The following GGCX variants were observed in gnomAD, a reference collection of about 807,000 sequenced individuals.
GGCX encodes vitamin K-dependent gamma-carboxylase.
A neutral mutation model predicts 88.5 loss-of-function variants in GGCX; 63 were observed. The observed-to-expected ratio is 0.71, with a 90% CI of 0.58 to 0.88. GGCX has a LOEUF of 0.88. Among genes scored for constraint, GGCX ranks in the 40% least tolerant of loss-of-function variants. The pLI, the probability that GGCX is intolerant of heterozygous loss-of-function variation, is 0.00. For missense variants in GGCX, 805 were observed against 932.9 expected, an observed-to-expected ratio of 0.86 and a Z score of 1.79; for synonymous variants, 368 against 365.8, an observed-to-expected ratio of 1.01 and a Z score of -0.07.
At chr2:85,552,800 G>T in intron 9 of GGCX, 139 bp downstream of exon 9, 1 of 994,918 alleles carries the variant, frequency 1.0e-6, no homozygotes, top group Non-Finnish European at 1.6e-6. Context: ...CCACATAAAA[G>T]ATAGTTCAAT....
Position 85,553,422 on chromosome 2 carries a change from T to C in GGCX, c.965A>G (p.Tyr322Cys). 1 of 1,613,892 alleles carries C rather than the reference T, an allele frequency of 6.2e-7. No individual in the cohort carries two copies. Among genetic ancestry groups the C allele is most frequent in the South Asian group, 1.1e-5 (1 of 91,078 alleles). The change falls in exon 8 of 15, where the codon TAC becomes TGC. Residue 322 changes from tyrosine (Y) to cysteine (C), a missense_variant. Physicochemically the swap from Tyr to Cys is radical, Grantham distance 194. Transcript: ENST00000233838. ...CAGTTGTTGCAACCTTCGGGGGCAG[T>C]AGGACACCAGCTTCCGAGGCCACTC... ...SPEWPRKLVS[Y>C]CPRRLQQLLP...
intron 4 of GGCX, among the ~76,000 whole-genome samples, chr2:85,556,943 C>T (rs1359783518): frequency 2.6e-5 from 4 of 152,206 alleles, no homozygotes; most frequent in African/African-American, 4.8e-5. Flanking sequence ...ATTCTTCACT[C>T]GTCAATAATA....
chr2:85,559,702 C>A (rs563175443), intron 2 of GGCX, among the ~76,000 whole-genome samples: 41 of 149,134 alleles, frequency 2.7e-4, no homozygotes, highest in African/African-American at 9.2e-4. Flanking sequence ...GCAACAAGAT[C>A]GAAACTCCGT....
intron 4 of GGCX, among the ~76,000 whole-genome samples, chr2:85,557,865 C>A (rs1692270174): frequency 6.6e-6 from 1 of 152,184 alleles, no homozygotes. Flanking sequence ...TTTCACTCAA[C>A]ATATAAAGAA....
Position 85,545,380 on chromosome 2 carries a change from T to A in GGCX, c.*4554A>T, listed in dbSNP as rs1691606961. 1.3e-5 allele frequency: 2 copies of A among 152,556 alleles called. No individual in the cohort carries two copies. Among genetic ancestry groups the A allele is most frequent in the Non-Finnish European group, 2.9e-5 (2 of 68,034 alleles). The allele number at this position is 152,556 out of a possible 1,614,324, so 9.5% of individuals were successfully genotyped here. ...CTGAGGTAGGAGGATCACTTTAACATAGAAGTTGGAGGCTGTAGCGAACCA... is the reference window on the plus strand; with the variant it reads ...CTGAGGTAGGAGGATCACTTTAACAAAGAAGTTGGAGGCTGTAGCGAACCA... On this transcript the variant is annotated 3_prime_UTR_variant, in exon 15 of 15. Coordinates refer to ENST00000233838, the MANE Select transcript of GGCX (RefSeq NM_000821.7).
chr2:85,557,341 G>A (rs1225963276), intron 4 of GGCX, among the ~76,000 whole-genome samples: 4 of 151,956 alleles, frequency 2.6e-5, no homozygotes, highest in African/African-American at 9.7e-5. Context: ...TTAAAAATTA[G>A]CTGAGTGTGG....
intron 4 of GGCX, 28 bp from the exon 5 acceptor site, chr2:85,556,288 G>A (rs907760080): frequency 2.1e-6 from 3 of 1,426,286 alleles, no homozygotes; most frequent in Non-Finnish European, 3.0e-6. Flanking sequence ...AACATTGAGG[G>A]GGGAGCTGCT....
At position 85,551,029 on chromosome 2, in the gene GGCX, C is replaced by G; in HGVS notation, c.1784G>C (p.Ser595Thr). 1.2e-6 allele frequency: 2 copies of G among 1,613,754 alleles called. No homozygotes were observed. The highest frequency in any genetic ancestry group is 1.7e-6 in the Non-Finnish European group (2 of 1,179,616). The change falls in exon 13 of 15, where the codon AGC becomes ACC. Residue 595 changes from serine (S) to threonine (T), a missense_variant. Coordinates refer to ENST00000233838, the MANE Select transcript of GGCX (RefSeq NM_000821.7). ...ATAGACGTACATGTAGCAAGAAGGGCTAGGTGATGTCGTATACACCTTATG... is the reference window on the plus strand; with the variant it reads ...ATAGACGTACATGTAGCAAGAAGGGGTAGGTGATGTCGTATACACCTTATG... ...EYHKVYTTSPSPSCYMYVYVN... is the reference protein window; with the variant it reads ...EYHKVYTTSPTPSCYMYVYVN...
intron 5 of GGCX, among the ~76,000 whole-genome samples, chr2:85,555,854 C>A (rs1335081834): frequency 6.6e-6 from 1 of 152,200 alleles, no homozygotes; most frequent in Admixed American, 6.5e-5. Flanking sequence ...TTCGCCTCAT[C>A]CAAACAGCAT....
chr2:85,552,051 T>G (rs1193215741), intron 10 of GGCX, 70 bp from the exon 11 acceptor site: 1 of 1,137,980 alleles, frequency 8.8e-7, no homozygotes, highest in Non-Finnish European at 1.3e-6. Flanking sequence ...GTTCTCTCCC[T>G]TTCATCATCA....
intron 9 of GGCX, 162 bp downstream of exon 9, chr2:85,552,777 G>A (rs1160263057): frequency 3.8e-5 from 34 of 883,730 alleles, no homozygotes; most frequent in South Asian, 2.4e-4. Context: ...TGAATGCATT[G>A]CCCTATCTCA....
In GGCX at chr2:85,551,000, T is replaced by A; in HGVS notation, c.1813A>T (p.Asn605Tyr). The change falls in exon 13 of 15, where the codon AAC becomes TAC. Residue 605 changes from asparagine (N) to tyrosine (Y), a missense_variant. Asn to Tyr is a moderately radical substitution (Grantham distance 143). Around this residue, in one of 3 missense-constraint regions of GGCX, gnomAD observed 680 missense variants for 763.7 expected, o/e 0.89. Transcript: ENST00000233838. ...SPSCYMYVYVNTTELALEQDL... is the reference protein window; with the variant it reads ...SPSCYMYVYVYTTELALEQDL... ...TGCTCCAGTGCAAGCTCTGTAGTGT[T>A]GACATAGACGTACATGTAGCAAGAA... 6.2e-7 allele frequency: 1 copy of A among 1,613,750 alleles called. No individual in the cohort carries two copies.
At chr2:85,556,385 T>G in intron 4 of GGCX, 125 bp from the exon 5 acceptor site, 1 of 709,196 alleles carries the variant, frequency 1.4e-6, no homozygotes, top group East Asian at 2.7e-5. Context: ...CTGGTTATTC[T>G]GAGACCTTTT....
In GGCX at chr2:85,558,483, A is replaced by G; in HGVS notation, c.496T>C (p.Leu166=). ...SWNNHSYLYG[L]LAFQLTFMDA... The stretch of plus-strand genomic sequence containing the variant: ...ATGAATGTTAGCTGAAAGGCCAACA[A>G]CCCATACAGATAGGAGTGGTTGTTC... The change falls in exon 4 of 15, where the codon TTG becomes CTG. Residue 166 remains leucine (L), a synonymous_variant. Transcript: ENST00000233838. The G allele has an allele frequency of 6.2e-7, 1 of 1,613,988 alleles. No individual in the cohort carries two copies. Among genetic ancestry groups the G allele is most frequent in the Non-Finnish European group, 8.5e-7 (1 of 1,179,846 alleles).
rs556224539 is a variant in GGCX at position 85,561,053 on chromosome 2, G to A, written c.44-68C>T. Reference sequence around the variant, plus strand: ...TCCACCTCAAATCAAAGAAATCACTGCACCAACAGCTCAGAGCTTCCGCCC... The same window carrying A: ...TCCACCTCAAATCAAAGAAATCACTACACCAACAGCTCAGAGCTTCCGCCC... On this transcript the variant is annotated intron_variant, in intron 1 of 14. Coordinates refer to ENST00000233838, the MANE Select transcript of GGCX (RefSeq NM_000821.7). The A allele has an allele frequency of 1.9e-4, 241 of 1,301,048 alleles. 2 individuals are homozygous for A. In the Middle Eastern group the frequency reaches 2.6e-3, roughly 14 times the overall value. 80.6% of individuals were successfully genotyped at this position (1,301,048 alleles called of 1,614,324 possible).
At position 85,561,417 on chromosome 2, in the gene GGCX, A is replaced by T; in HGVS notation, c.12T>A (p.Ser4=). Residue 4 remains serine, a synonymous_variant, in exon 1 of 15, where the codon TCT becomes TCA. Coordinates refer to ENST00000233838, the MANE Select transcript of GGCX (RefSeq NM_000821.7). ...TGGGCGAGGTCCGCGCGGACCCGGC[A>T]GACACCGCCATTGCTCTGCGGAGGA... is the stretch of plus-strand genomic sequence containing the variant. MAV[S]AGSARTSPSS... 6.4e-7 allele frequency: 1 copy of T among 1,571,582 alleles called. No individual in the cohort carries two copies. Among genetic ancestry groups the T allele is most frequent in the Non-Finnish European group, 8.6e-7 (1 of 1,159,010 alleles).
Position 85,551,862 on chromosome 2 carries a change from T to C in GGCX, c.1559A>G (p.Lys520Arg). The change falls in exon 11 of 15, where the codon AAG (lysine) becomes AGG (arginine). Residue 520 changes from lysine (K) to arginine (R), a missense_variant. Lys to Arg is a conservative substitution (Grantham distance 26). Coordinates refer to ENST00000233838, the MANE Select transcript of GGCX (RefSeq NM_000821.7). ...SPWRAKLQEI[K>R]SSLDNHTEVV... ...CTCAGTGTGGTTGTCTAGGCTGCTC[T>C]TGATTTCCTGTAACTTGGCCCTCCA... 6.2e-7 allele frequency: 1 copy of C among 1,614,048 alleles called. No homozygotes were observed. The highest frequency in any genetic ancestry group is 8.5e-7 in the Non-Finnish European group (1 of 1,179,874).
At chr2:85,550,413 A>G (rs1340473162) in intron 14 of GGCX, 142 bp downstream of exon 14, 3 of 718,622 alleles carry the variant, frequency 4.2e-6, no homozygotes, top group Non-Finnish European at 7.4e-6. Context: ...TCTTCCAGTA[A>G]ATCAAGAAGA....
intron 5 of GGCX, 122 bp from the exon 6 acceptor site, chr2:85,555,712 G>A (rs1431465451): frequency 2.9e-6 from 2 of 687,848 alleles, no homozygotes; most frequent in East Asian, 5.6e-5. Flanking sequence ...TACAGTCCTT[G>A]ACCCAAATAT....
Sources: gnomAD v4.1 joint callset for allele counts (sites outside exome capture counted in the v4.1 genomes callset) on GRCh38, gnomAD v4.1.1 for gene constraint, gnomAD v4.1.1 regional missense constraint, MANE v1.5 for transcripts, NCBI Gene and HGNC (gene_info 2026-07-23, HGNC 2026-07-21) for gene names.